MN1: variants seen among roughly 807,000 people sequenced by gnomAD.
The protein encoded by MN1 is MN1 proto-oncogene, transcriptional regulator, also known as transcriptional activator MN1.
In MN1, 19 loss-of-function variants were observed where a neutral mutation model predicts 86.9. That is an observed-to-expected ratio of 0.22 (90% CI 0.15 to 0.32). The LOEUF (loss-of-function observed/expected upper bound fraction) is 0.32. Ranked by LOEUF, MN1 falls within the 10% of genes least tolerant of loss-of-function variation. The pLI, the probability that MN1 is intolerant of heterozygous loss-of-function variation, is 1.00. For synonymous variants in MN1, 928 were observed against 849.6 expected (o/e 1.09, Z -1.60); for missense variants, 1,841 against 1,862.0 (o/e 0.99, Z 0.21).
intron 1 of MN1, among the ~76,000 whole-genome samples, chr22:27,792,896 C>T (rs45465294): frequency 2.0e-5 from 3 of 152,198 alleles, no homozygotes; most frequent in East Asian, 3.9e-4. Flanking sequence ...CCTGCCCCCC[C>T]GCCCCAAGTC....
chr22:27,767,244 A>G (rs1169804300), intron 1 of MN1, among the ~76,000 whole-genome samples: 2 of 152,162 alleles, frequency 1.3e-5, no homozygotes, highest in Admixed American at 6.5e-5. Flanking sequence ...AAAGACTCAC[A>G]CCACATCACC....
chr22:27,793,622 GA>G (rs2146313243), intron 1 of MN1, among the ~76,000 whole-genome samples: 1 of 152,288 alleles, frequency 6.6e-6, no homozygotes, highest in South Asian at 2.1e-4. Flanking sequence ...AAGAAGTCAA[GA>G]GAAGCATGAT....
At chr22:27,754,859 G>A (rs769054401) in intron 1 of MN1, among the ~76,000 whole-genome samples, 4 of 152,168 alleles carry the variant, frequency 2.6e-5, no homozygotes, top group Non-Finnish European at 4.4e-5. Flanking sequence ...GCCCAGCACT[G>A]GCAGACATCA....
At chr22:27,765,516 G>A (rs1932862993) in intron 1 of MN1, among the ~76,000 whole-genome samples, 1 of 152,230 alleles carries the variant, frequency 6.6e-6, no homozygotes, top group African/African-American at 2.4e-5. Context: ...ACTCGAGCGG[G>A]GGCTCCCAGC....
intron 1 of MN1, among the ~76,000 whole-genome samples, chr22:27,761,163 A>G (rs923324419): frequency 1.3e-5 from 2 of 150,126 alleles, no homozygotes; most frequent in African/African-American, 2.5e-5. Flanking sequence ...ACCACCCCCA[A>G]TTTCTCTCTT....
At position 27,749,414 on chromosome 22, in the gene MN1, G is replaced by A. The variant is rs1932738695; in HGVS notation, c.*1501C>T. The A allele has an allele frequency of 4.3e-6, 1 of 231,612 alleles. No individual in the cohort carries two copies. Among genetic ancestry groups the A allele is most frequent in the Non-Finnish European group, 8.5e-6 (1 of 117,054 alleles). The allele number at this position is 231,612 out of a possible 1,614,324, so 14.3% of individuals were successfully genotyped here. ...CTGAAATTAAATAGATAACCATCAC[G>A]GTTATATATTTGGGTGAAGTGATAT... is the stretch of plus-strand genomic sequence containing the variant. On this transcript the variant is annotated 3_prime_UTR_variant, in exon 2 of 2. Transcript: ENST00000302326.
At chr22:27,795,020 T>A (rs1180405687) in intron 1 of MN1, among the ~76,000 whole-genome samples, 1 of 83,946 alleles carries the variant, frequency 1.2e-5, no homozygotes, top group African/African-American at 4.9e-5. Context: ...AATAAAGGGG[T>A]GGGGGGAGCA....
Position 27,800,457 on chromosome 22 carries a change from G to A in MN1, c.87C>T (p.Ser29=), listed in dbSNP as rs1933413347. Residue 29 remains serine, a synonymous_variant, in exon 1 of 2, where the codon AGC becomes AGT. Coordinates refer to ENST00000302326, the MANE Select transcript of MN1 (RefSeq NM_002430.3). ...GERNFNETGL[S]MNTHFKAPAF... Reference sequence around the variant, plus strand: ...CCGGGGCCTTAAAGTGGGTGTTCATGCTCAGTCCGGTCTCGTTAAAGTTCC... The same window carrying A: ...CCGGGGCCTTAAAGTGGGTGTTCATACTCAGTCCGGTCTCGTTAAAGTTCC... The A allele has an allele frequency of 1.2e-6, 2 of 1,614,236 alleles. No individual in the cohort carries two copies. The highest frequency in any genetic ancestry group is 1.7e-6 in the Non-Finnish European group (2 of 1,180,032).
Position 27,750,288 on chromosome 22 carries a change from C to T in MN1, c.*627G>A, listed in dbSNP as rs891049330. Reference sequence around the variant, plus strand: ...GGAACAGACAAAACAAAATCCCAGGCGGAATACCTAAGAGGGGCATTCATT... The same window carrying T: ...GGAACAGACAAAACAAAATCCCAGGTGGAATACCTAAGAGGGGCATTCATT... On this transcript the variant is annotated 3_prime_UTR_variant, in exon 2 of 2. Transcript: ENST00000302326. 7 of 230,526 alleles carry T rather than the reference C, an allele frequency of 3.0e-5. No homozygotes were observed. Among genetic ancestry groups the T allele is most frequent in the East Asian group, 6.1e-5 (1 of 16,290 alleles). The allele number at this position is 230,526 out of a possible 1,614,324, so 14.3% of individuals were successfully genotyped here. A position where few individuals can be genotyped will look rare whatever the true frequency, so the allele number is the denominator to read the frequency against.
At chr22:27,762,099 C>T (rs1932838954) in intron 1 of MN1, among the ~76,000 whole-genome samples, 1 of 152,168 alleles carries the variant, frequency 6.6e-6, no homozygotes. Context: ...CCTGTCCTGC[C>T]TGGCACCTCC....
At chr22:27,758,605 G>A (rs1214197305) in intron 1 of MN1, among the ~76,000 whole-genome samples, 4 of 152,182 alleles carry the variant, frequency 2.6e-5, no homozygotes, top group African/African-American at 7.2e-5. Flanking sequence ...AGATGACCAA[G>A]GTCTGTATCC....
intron 1 of MN1, among the ~76,000 whole-genome samples, chr22:27,787,653 G>A (rs1157342741): frequency 6.6e-6 from 1 of 152,164 alleles, no homozygotes; most frequent in African/African-American, 2.4e-5. Context: ...TCATCCCTGA[G>A]GGTCTTGCTA....
At chr22:27,781,457 T>TGG (rs3831689) in intron 1 of MN1, among the ~76,000 whole-genome samples, 6 of 151,448 alleles carry the variant, frequency 4.0e-5, no homozygotes, top group Middle Eastern at 3.2e-3. Context: ...AAGTATGCCC[T>TGG]GGGGGGGGCA....
chr22:27,755,410 A>G (rs976010183), intron 1 of MN1, among the ~76,000 whole-genome samples: 1 of 152,160 alleles, frequency 6.6e-6, no homozygotes, highest in African/African-American at 2.4e-5. Context: ...GGCCGAGGGC[A>G]GGGGCCTCTG....
chr22:27,777,864 G>C (rs1406895079), intron 1 of MN1, among the ~76,000 whole-genome samples: 2 of 150,988 alleles, frequency 1.3e-5, no homozygotes, highest in African/African-American at 4.9e-5. Flanking sequence ...CCACACAAGT[G>C]AGACTGCATC....
chr22:27,761,759 GC>G (rs1568972039), intron 1 of MN1, among the ~76,000 whole-genome samples: 2 of 152,214 alleles, frequency 1.3e-5, no homozygotes, highest in African/African-American at 2.4e-5. Flanking sequence ...CAGAGGCCTC[GC>G]GCCGGCCGCT....
At chr22:27,762,577 C>T (rs1292803447) in intron 1 of MN1, among the ~76,000 whole-genome samples, 1 of 152,118 alleles carries the variant, frequency 6.6e-6, no homozygotes, top group Non-Finnish European at 1.5e-5. Flanking sequence ...CAGCCCTCCC[C>T]CTCTCTGTTT....
In MN1 at chr22:27,749,546, A is replaced by G. The variant is rs151125627; in HGVS notation, c.*1369T>C. 3.1e-3 allele frequency: 726 copies of G among 232,396 alleles called. 4 individuals are homozygous for G. The highest frequency in any genetic ancestry group is 0.014 in the African/African-American group (646 of 45,378). The allele number at this position is 232,396 out of a possible 1,614,324, so 14.4% of individuals were successfully genotyped here. ...CACCCAAAGTTGCCTGCCCCTGCCA[A>G]CCACCACTCATCTCTGCTCAGAGCA... On this transcript the variant is annotated 3_prime_UTR_variant, in exon 2 of 2. Coordinates refer to ENST00000302326, the MANE Select transcript of MN1 (RefSeq NM_002430.3).
At chr22:27,776,727 A>G (rs1932983187) in intron 1 of MN1, among the ~76,000 whole-genome samples, 1 of 152,030 alleles carries the variant, frequency 6.6e-6, no homozygotes, top group Non-Finnish European at 1.5e-5. Context: ...TTGGAAGCAT[A>G]CATGCCCCCC....
Sources: gnomAD v4.1 joint callset for allele counts (sites outside exome capture counted in the v4.1 genomes callset) on GRCh38, gnomAD v4.1.1 for gene constraint, MANE v1.5 for transcripts, NCBI Gene and HGNC (gene_info 2026-07-23, HGNC 2026-07-21) for gene names.